Variants in TRIM24 observed in about 807,000 individuals in gnomAD.
TRIM24 encodes transcription intermediary factor 1-alpha.
TRIM24 carries 29 observed loss-of-function variants against 123.9 expected under a neutral mutation model. The observed-to-expected ratio is 0.23, with a 90% CI of 0.17 to 0.32. The LOEUF (loss-of-function observed/expected upper bound fraction) is 0.32. Among genes scored for constraint, TRIM24 ranks in the 10% least tolerant of loss-of-function variants. The pLI, the probability that TRIM24 is intolerant of heterozygous loss-of-function variation, is 1.00. For synonymous variants in TRIM24, 456 were observed against 461.1 expected, an observed-to-expected ratio of 0.99 and a Z score of 0.14; for missense variants, 932 against 1,295.3, an observed-to-expected ratio of 0.72 and a Z score of 4.31.
intron 1 of TRIM24, among the ~76,000 whole-genome samples, chr7:138,482,572 C>T (rs1380506326): frequency 1.3e-5 from 2 of 152,128 alleles, no homozygotes; most frequent in African/African-American, 4.8e-5. Context: ...TGCTTATGAA[C>T]CACAAAAGGA....
chr7:138,539,198 AAGG>A, intron 7 of TRIM24, among the ~76,000 whole-genome samples: 1 of 152,112 alleles, frequency 6.6e-6, no homozygotes, highest in Non-Finnish European at 1.5e-5. Flanking sequence ...TGATGAAACT[AAGG>A]CATGTGATTA....
At chr7:138,571,388 TC>T (rs1797653313) in intron 11 of TRIM24, among the ~76,000 whole-genome samples, 1 of 152,214 alleles carries the variant, frequency 6.6e-6, no homozygotes, top group African/African-American at 2.4e-5. Context: ...TTAATTTTAA[TC>T]CTTTAGAATA....
chr7:138,551,406 G>GTGGCACA (rs1797209468), intron 8 of TRIM24, among the ~76,000 whole-genome samples: 1 of 152,148 alleles, frequency 6.6e-6, no homozygotes, highest in African/African-American at 2.4e-5. Flanking sequence ...AGTTAGCTAA[G>GTGGCACA]GGTAGTGGCA....
intron 9 of TRIM24, among the ~76,000 whole-genome samples, chr7:138,557,141 T>C (rs1031427994): frequency 6.6e-6 from 1 of 152,226 alleles, no homozygotes; most frequent in Non-Finnish European, 1.5e-5. Flanking sequence ...TGAGTGGGTG[T>C]TGGGAGAGTC....
In TRIM24 at chr7:138,585,797, CT is replaced by C. The variant is rs770425900; in HGVS notation, c.*850del. On this transcript the variant is annotated 3_prime_UTR_variant, in exon 19 of 19. Transcript: ENST00000343526. ...ACAAGCCTCATTGTTTGCAGTATAG[CT>C]TTTAGTGGAACTACCCAAAATATAA... The C allele has an allele frequency of 1.9e-6, 1 of 521,046 alleles. No homozygotes were observed. The highest frequency in any genetic ancestry group is 3.8e-6 in the Non-Finnish European group (1 of 261,220). 32.3% of individuals were successfully genotyped at this position (521,046 alleles called of 1,614,324 possible).
rs113269374 is a variant in TRIM24, at chr7:138,547,177, C to T, written c.1144-3886C>T. 3.9e-3 allele frequency among the ~76,000 whole-genome samples: 597 copies of T among 152,200 alleles called. 3 individuals carry two copies. Among genetic ancestry groups the T allele is most frequent in the African/African-American group, 0.014 (570 of 41,536 alleles). On this transcript the variant is annotated intron_variant, in intron 7 of 18. Transcript: ENST00000343526. ...ACATTATATTTACTTCATGATCTCA[C>T]TTATACGTGGAAAAAAGTTAAACTC...
At chr7:138,546,035 G>T (rs1227510142) in intron 7 of TRIM24, among the ~76,000 whole-genome samples, 1 of 152,176 alleles carries the variant, frequency 6.6e-6, no homozygotes, top group Non-Finnish European at 1.5e-5. Flanking sequence ...AGATAATTTG[G>T]GAGGACTAAT....
Position 138,528,188 on chromosome 7 carries a change from G to A in TRIM24, c.882-928G>A, listed in dbSNP as rs536885407. 2.3e-3 allele frequency among the ~76,000 whole-genome samples: 346 copies of A among 152,234 alleles called. 1 individual carries two copies. The highest frequency in any genetic ancestry group is 7.7e-3 in the African/African-American group (321 of 41,536). On this transcript the variant is annotated intron_variant, in intron 5 of 18. Coordinates refer to ENST00000343526, the MANE Select transcript of TRIM24 (RefSeq NM_015905.3). ...GTCTAGATGGCTACAATCCAGGCCCGCCCAGGCATGTCTCATGACTTTCAC... is the reference window on the plus strand; with the variant it reads ...GTCTAGATGGCTACAATCCAGGCCCACCCAGGCATGTCTCATGACTTTCAC...
chr7:138,558,567 A>G (rs1350750914), intron 9 of TRIM24, among the ~76,000 whole-genome samples: 1 of 152,170 alleles, frequency 6.6e-6, no homozygotes, highest in African/African-American at 2.4e-5. Flanking sequence ...CAGTTGGGCA[A>G]ACAGGTTGCT....
At chr7:138,570,569 A>G (rs1201183735) in intron 10 of TRIM24, among the ~76,000 whole-genome samples, 1 of 151,746 alleles carries the variant, frequency 6.6e-6, no homozygotes, top group East Asian at 1.9e-4. Context: ...AAACCTGCCA[A>G]GATTGGGTAC....
chr7:138,513,568 G>A (rs920379607), intron 2 of TRIM24, among the ~76,000 whole-genome samples: 1 of 152,060 alleles, frequency 6.6e-6, no homozygotes, highest in South Asian at 2.1e-4. Context: ...AAAAGAGAGG[G>A]GGGAGGCGCC....
intron 1 of TRIM24, among the ~76,000 whole-genome samples, chr7:138,464,786 A>G (rs1035664356): frequency 2.6e-5 from 4 of 152,164 alleles, no homozygotes; most frequent in Admixed American, 6.5e-5. Context: ...TCAAACTTTA[A>G]CACCACTAAA....
chr7:138,554,614 G>C lies in TRIM24; in HGVS notation c.1262-84G>C. The C allele has an allele frequency of 6.8e-7, 1 of 1,473,586 alleles. No homozygotes were observed. The highest frequency in any genetic ancestry group is 1.3e-5 in the South Asian group (1 of 75,826). 91.3% of individuals were successfully genotyped at this position (1,473,586 alleles called of 1,614,324 possible). Reference sequence around the variant, plus strand: ...CAGAGAATTTCTTGGCAATTTTGAAGTTCTGCAAAAATAGCTTTAGAAAAT... The same window carrying C: ...CAGAGAATTTCTTGGCAATTTTGAACTTCTGCAAAAATAGCTTTAGAAAAT... On this transcript the variant is annotated intron_variant, in intron 8 of 18. Coordinates refer to ENST00000343526, the MANE Select transcript of TRIM24 (RefSeq NM_015905.3). The surrounding 1 kb of genome is among the most constrained non-coding windows in gnomAD (Gnocchi z 4.5).
In TRIM24 at chr7:138,487,407, G is replaced by T. The variant is rs138274966; in HGVS notation, c.365-16883G>T. ...AGGAGTGGTGAGAGAGGGCATCCCT[G>T]TCTTGTGCCAATTTTCAAAGGGAAT... On this transcript the variant is annotated intron_variant, in intron 1 of 18. Transcript: ENST00000343526. Among the ~76,000 whole-genome samples the T allele has an allele frequency of 1.1e-3, 163 of 152,286 alleles. 1 individual carries two copies. In the East Asian group the frequency reaches 0.013, roughly 12 times the overall value.
At chr7:138,480,653 A>G (rs1724845753) in intron 1 of TRIM24, among the ~76,000 whole-genome samples, 1 of 152,102 alleles carries the variant, frequency 6.6e-6, no homozygotes, top group African/African-American at 2.4e-5. Context: ...TTTTTTAAAT[A>G]CGGTAAGGCA....
chr7:138,461,500 C>T (rs949982159), intron 1 of TRIM24, among the ~76,000 whole-genome samples: 1 of 152,116 alleles, frequency 6.6e-6, no homozygotes, highest in African/African-American at 2.4e-5. Context: ...CTGCTGGGGA[C>T]AAAGGAACCA....
At chr7:138,548,417 CAAA>C (rs112568313) in intron 7 of TRIM24, among the ~76,000 whole-genome samples, 1 of 127,378 alleles carries the variant, frequency 7.9e-6, no homozygotes. Flanking sequence ...GAGTGAGAGT[CAAA>C]AAAAAAAAAA....
rs759049078 is a variant in TRIM24 at position 138,585,999 on chromosome 7, A to G, written c.*1048A>G. On this transcript the variant is annotated 3_prime_UTR_variant, in exon 19 of 19. Transcript: ENST00000343526. ...AGGCAGCTGGGGGGAATTAATAGTG[A>G]TTTTTTTTTTTTCCTGAAGCATCTA... The G allele has an allele frequency of 3.8e-5, 14 of 372,646 alleles. No homozygotes were observed. The highest frequency in any genetic ancestry group is 6.1e-5 in the Admixed American group (2 of 32,986). The allele number at this position is 372,646 out of a possible 1,614,324, so 23.1% of individuals were successfully genotyped here.
intron 6 of TRIM24, among the ~76,000 whole-genome samples, chr7:138,538,228 A>C (rs1475329705): frequency 6.6e-6 from 1 of 152,230 alleles, no homozygotes; most frequent in Non-Finnish European, 1.5e-5. Flanking sequence ...ACTACTTGCA[A>C]TTCCAACTGT....
Sources: gnomAD v4.1 joint callset for allele counts (sites outside exome capture counted in the v4.1 genomes callset) on GRCh38, gnomAD v4.1.1 for gene constraint, Gnocchi (gnomAD v3.1) non-coding constraint, MANE v1.5 for transcripts, NCBI Gene and HGNC (gene_info 2026-07-23, HGNC 2026-07-21) for gene names.